The following ACBD3 variants were observed in gnomAD, a reference collection of about 807,000 sequenced individuals.
The protein encoded by ACBD3 is acyl-CoA binding domain containing 3.
ACBD3 carries 30 observed loss-of-function variants against 66.9 expected under a neutral mutation model. That is an observed-to-expected ratio of 0.45 (90% CI 0.34 to 0.61). ACBD3 has a LOEUF of 0.61. ACBD3 is among the 20% of genes least tolerant of loss of function. The pLI is 0.02. For synonymous variants in ACBD3, 278 were observed against 259.8 expected, an observed-to-expected ratio of 1.07 and a Z score of -0.68; for missense variants, 544 against 664.5, an observed-to-expected ratio of 0.82 and a Z score of 1.99.
rs1481682854 is a variant in ACBD3 at position 226,186,658 on chromosome 1, G to C, written c.18C>G (p.Asn6Lys). The change falls in exon 1 of 8, where the codon AAC becomes AAG. Residue 6 changes from asparagine to lysine, a missense_variant. Coordinates refer to ENST00000366812, the MANE Select transcript of ACBD3 (RefSeq NM_022735.4). MAAVL[N>K]AERLEVSVDG... is the part of the protein sequence containing the mutation. ...CGACGGACACCTCGAGTCGCTCTGC[G>C]TTCAGCACCGCCGCCATCTCCGGCT... 3.3e-6 allele frequency: 5 copies of C among 1,508,122 alleles called. No individual in the cohort carries two copies. The South Asian group carries it at 6.1e-5, about 18-fold the overall frequency. 93.4% of individuals were successfully genotyped at this position (1,508,122 alleles called of 1,614,324 possible). A position where few individuals can be genotyped will look rare whatever the true frequency, so the allele number is the denominator to read the frequency against.
intron 5 of ACBD3, 195 bp from the exon 6 acceptor site, chr1:226,155,028 A>C (rs1168790195): frequency 2.6e-6 from 1 of 390,900 alleles, no homozygotes; most frequent in African/African-American, 2.1e-5. Flanking sequence ...ACAGCTAAAA[A>C]TAATAAAAAA....
chr1:226,166,018 A>G lies in ACBD3; in HGVS notation c.287-18T>C. 6.3e-7 allele frequency: 1 copy of G among 1,597,762 alleles called. No homozygotes were observed. The highest frequency in any genetic ancestry group is 8.5e-7 in the Non-Finnish European group (1 of 1,175,424). Reference sequence around the variant, plus strand: ...ATCTTTTTCTATAAGAAAAAGAAACACAAAGAAAACAATTAGCACAGGCAA... The same window carrying G: ...ATCTTTTTCTATAAGAAAAAGAAACGCAAAGAAAACAATTAGCACAGGCAA... On this transcript the variant is annotated intron_variant, in intron 1 of 7. Transcript: ENST00000366812.
chr1:226,163,441 T>C (rs1290842246), intron 3 of ACBD3, among the ~76,000 whole-genome samples: 3 of 152,080 alleles, frequency 2.0e-5, no homozygotes, highest in Non-Finnish European at 4.4e-5. Flanking sequence ...CATAAATCAA[T>C]TTTCCAGTTA....
At chr1:226,175,364 C>T (rs1576240196) in intron 1 of ACBD3, among the ~76,000 whole-genome samples, 2 of 152,162 alleles carry the variant, frequency 1.3e-5, no homozygotes, top group African/African-American at 4.8e-5. Context: ...AAAATCTAAC[C>T]ACAATAGGAA....
chr1:226,161,668 C>A lies in ACBD3; in HGVS notation c.591G>T (p.Arg197Ser), dbSNP rs754968861. Residue 197 changes from arginine to serine, a missense_variant, in exon 4 of 8, where the codon AGG (arginine) becomes AGT (serine). Transcript: ENST00000366812. Reference protein sequence around the residue: ...EKKRKEEEERRRREEEERERL... With the variant: ...EKKRKEEEERSRREEEERERL... ...GTTCTCTTTCTTCCTCTTCACGCCG[C>A]CTTCGCTCCTCTTCCTCCTTCCTAC... 1 of 1,602,114 alleles carries A rather than the reference C, an allele frequency of 6.2e-7. No homozygotes were observed. The highest frequency in any genetic ancestry group is 1.3e-5 in the African/African-American group (1 of 74,358).
intron 1 of ACBD3, among the ~76,000 whole-genome samples, chr1:226,184,646 AG>A (rs1339590518): frequency 6.6e-6 from 1 of 152,196 alleles, no homozygotes; most frequent in Non-Finnish European, 1.5e-5. Context: ...TAGAATCCAG[AG>A]CTTCCTGACT....
intron 1 of ACBD3, among the ~76,000 whole-genome samples, chr1:226,168,286 G>A (rs116076724): frequency 1.1e-3 from 162 of 152,100 alleles, no homozygotes; most frequent in Non-Finnish European, 1.5e-3. Context: ...GATTAACCCC[G>A]GGTATCTGAA....
chr1:226,186,240 G>C lies in ACBD3; in HGVS notation c.286+150C>G, dbSNP rs920943058. On this transcript the variant is annotated intron_variant, in intron 1 of 7. Transcript: ENST00000366812. ...CCAAGCGGGTAGTGACAAACTTCGG[G>C]TACCCCCAAGGAGGGAACCCCGCTT... is the stretch of plus-strand genomic sequence containing the variant. 14 of 1,062,956 alleles carry C rather than the reference G, an allele frequency of 1.3e-5. No homozygotes were observed. The Admixed American group carries it at 6.0e-4, about 45-fold the overall frequency. 65.8% of individuals were successfully genotyped at this position (1,062,956 alleles called of 1,614,324 possible).
Position 226,186,725 on chromosome 1 carries a change from A to G in ACBD3, c.-50T>C. On this transcript the variant is annotated 5_prime_UTR_variant, in exon 1 of 8. Coordinates refer to ENST00000366812, the MANE Select transcript of ACBD3 (RefSeq NM_022735.4). ...GGGGACAGACGGCAGCCACGTATCGACTTCCTGCTGACCTCTGACCTCCGC... is the reference window on the plus strand; with the variant it reads ...GGGGACAGACGGCAGCCACGTATCGGCTTCCTGCTGACCTCTGACCTCCGC... 7.0e-7 allele frequency: 1 copy of G among 1,430,898 alleles called. No individual in the cohort carries two copies. Among genetic ancestry groups the G allele is most frequent in the Non-Finnish European group, 9.1e-7 (1 of 1,094,762 alleles). 88.6% of individuals were successfully genotyped at this position (1,430,898 alleles called of 1,614,324 possible).
chr1:226,153,774 T>C (rs951398106), intron 6 of ACBD3, among the ~76,000 whole-genome samples: 21 of 152,204 alleles, frequency 1.4e-4, no homozygotes, highest in Non-Finnish European at 7.3e-5. Context: ...TCTATTTCTA[T>C]GGTAGCCAGC....
chr1:226,146,965 C>T (rs1012056144), intron 7 of ACBD3, 144 bp from the exon 8 acceptor site: 4 of 736,602 alleles, frequency 5.4e-6, no homozygotes, highest in Non-Finnish European at 8.9e-6. Context: ...GATCTCAGCT[C>T]ATTGCAACCT....
chr1:226,165,423 G>A (rs900284234), intron 2 of ACBD3, among the ~76,000 whole-genome samples: 2 of 151,958 alleles, frequency 1.3e-5, no homozygotes, highest in African/African-American at 2.4e-5. Context: ...TACCCACCTC[G>A]GCCTCCCAAA....
In ACBD3 at chr1:226,161,017, C is replaced by G. The variant is rs116457554; in HGVS notation, c.728+514G>C. Among the ~76,000 whole-genome samples, 660 of 152,214 alleles carry G rather than the reference C, an allele frequency of 4.3e-3. 5 individuals carry two copies. Among genetic ancestry groups the G allele is most frequent in the African/African-American group, 0.015 (642 of 41,502 alleles). ...CAGACAGTTGACAATTTGCAGAGAG[C>G]AAGGATGAAGCAGAGACATAAGCTG... On this transcript the variant is annotated intron_variant, in intron 4 of 7. Coordinates refer to ENST00000366812, the MANE Select transcript of ACBD3 (RefSeq NM_022735.4).
At chr1:226,177,409 A>G (rs1156999719) in intron 1 of ACBD3, among the ~76,000 whole-genome samples, 1 of 147,228 alleles carries the variant, frequency 6.8e-6, no homozygotes. Flanking sequence ...ATTAGCCAGG[A>G]TGGTCTCCAT....
chr1:226,158,648 C>A (rs1057463477), intron 5 of ACBD3, among the ~76,000 whole-genome samples: 4 of 152,230 alleles, frequency 2.6e-5, no homozygotes, highest in Non-Finnish European at 4.4e-5. Context: ...CCTAAACCAA[C>A]CTCTCCTATG....
chr1:226,146,893 C>T, intron 7 of ACBD3, 72 bp from the exon 8 acceptor site: 2 of 1,440,174 alleles, frequency 1.4e-6, no homozygotes, highest in Non-Finnish European at 1.9e-6. Flanking sequence ...TAAAATCTAT[C>T]CTTTCTTTTT....
At chr1:226,174,447 AG>A (rs1268678846) in intron 1 of ACBD3, among the ~76,000 whole-genome samples, 1 of 152,308 alleles carries the variant, frequency 6.6e-6, no homozygotes, top group Non-Finnish European at 1.5e-5. Context: ...CCACACTAAA[AG>A]GAATAAGGAA....
chr1:226,182,857 T>C (rs1206045936), intron 1 of ACBD3, among the ~76,000 whole-genome samples: 1 of 152,228 alleles, frequency 6.6e-6, no homozygotes, highest in East Asian at 1.9e-4. Context: ...AAGCAAAAGA[T>C]AACGTACTAT....
chr1:226,147,986 C>G (rs1385860706), intron 7 of ACBD3: 1 of 152,062 alleles, frequency 6.6e-6, no homozygotes, highest in African/African-American at 2.4e-5. Context: ...CATGGATTTT[C>G]AGGTTTATAA....
Sources: allele counts gnomAD v4.1 joint callset (sites outside exome capture counted in the v4.1 genomes callset), GRCh38; gene constraint gnomAD v4.1.1; transcripts MANE v1.5; gene names NCBI Gene and HGNC (gene_info 2026-07-23, HGNC 2026-07-21).